The following POLE2 variants were observed in gnomAD, a reference collection of about 807,000 sequenced individuals.
POLE2 encodes DNA polymerase epsilon 2, accessory subunit.
Under a neutral mutation model 79.4 loss-of-function variants are expected in POLE2, and 56 were observed. That is an observed-to-expected ratio of 0.71 (90% confidence interval 0.57 to 0.88). The LOEUF is 0.88. Among genes scored for constraint, POLE2 ranks in the 40% least tolerant of loss-of-function variants. POLE2 has a pLI of 0.00. For synonymous variants in POLE2, 212 were observed against 214.0 expected (o/e 0.99, Z 0.08); for missense variants, 598 against 638.9 (o/e 0.94, Z 0.69).
intron 9 of POLE2, among the ~76,000 whole-genome samples, chr14:49,664,069 C>A (rs1234581776): frequency 6.7e-6 from 1 of 149,036 alleles, no homozygotes; most frequent in East Asian, 2.0e-4. Context: ...ATAATTCAGG[C>A]CGGGCATGGT....
Position 49,679,470 on chromosome 14 carries a change from G to A in POLE2, c.245+255C>T, listed in dbSNP as rs141119648. On this transcript the variant is annotated intron_variant, in intron 3 of 18. Coordinates refer to ENST00000216367, the MANE Select transcript of POLE2 (RefSeq NM_002692.4). Reference sequence around the variant, plus strand: ...TACAGAATAAAAAGTCAGATCAACCGGTTGGGTAGGCAGCAAAAGTTAGTA... The same window carrying A: ...TACAGAATAAAAAGTCAGATCAACCAGTTGGGTAGGCAGCAAAAGTTAGTA... 38 of 360,808 alleles carry A rather than the reference G, an allele frequency of 1.1e-4. No individual in the cohort carries two copies. In the East Asian group the frequency reaches 1.6e-3, roughly 15 times the overall value. 22.4% of individuals were successfully genotyped at this position (360,808 alleles called of 1,614,324 possible). A position where few individuals can be genotyped will look rare whatever the true frequency, so the allele number is the denominator to read the frequency against.
chr14:49,687,414 T>C (rs919837484), intron 1 of POLE2, among the ~76,000 whole-genome samples: 2 of 151,530 alleles, frequency 1.3e-5, no homozygotes, highest in Non-Finnish European at 2.9e-5. Context: ...CTATAGGTCC[T>C]CAAAAACACG....
intron 3 of POLE2, among the ~76,000 whole-genome samples, chr14:49,676,842 A>G (rs1054356913): frequency 1.4e-4 from 22 of 152,198 alleles, no homozygotes; most frequent in Admixed American, 9.8e-4. Context: ...CCCTTGCTGA[A>G]CTGGCATCAC....
intron 7 of POLE2, 147 bp downstream of exon 7, chr14:49,666,183 G>T: frequency 1.6e-6 from 1 of 613,966 alleles, no homozygotes; most frequent in Non-Finnish European, 2.9e-6. Flanking sequence ...CTATTTCCTC[G>T]TATTACCACT....
intron 10 of POLE2, among the ~76,000 whole-genome samples, chr14:49,662,796 G>A (rs549070197): frequency 1.3e-4 from 20 of 152,292 alleles, no homozygotes; most frequent in Non-Finnish European, 2.9e-4. Flanking sequence ...CAACCCATGG[G>A]ACACCAAGTA....
chr14:49,675,109 A>T (rs1464948233), intron 3 of POLE2, among the ~76,000 whole-genome samples: 2 of 149,972 alleles, frequency 1.3e-5, no homozygotes, highest in Non-Finnish European at 3.0e-5. Context: ...TTTGAGACAG[A>T]GTTTCACTCT....
chr14:49,662,345 T>TGGA (rs771609523), intron 10 of POLE2, among the ~76,000 whole-genome samples: 1 of 152,268 alleles, frequency 6.6e-6, no homozygotes. Context: ...GTTGCCAGGC[T>TGGA]GGAGTACAGT....
rs368926840 is a variant in POLE2, at chr14:49,674,216, A to T, written c.324T>A (p.Pro108=). 6.2e-7 allele frequency: 1 copy of T among 1,602,224 alleles called. No homozygotes were observed. Among genetic ancestry groups the T allele is most frequent in the Non-Finnish European group, 8.6e-7 (1 of 1,169,274 alleles). The change falls in exon 5 of 19, where the codon CCT becomes CCA. Residue 108 remains proline (P), a splice_region_variant and synonymous_variant. Coordinates refer to ENST00000216367, the MANE Select transcript of POLE2 (RefSeq NM_002692.4). The part of the protein sequence containing the change: ...VYNSERKKFL[P]LLMTNHPAPN... ...GTGCAGGGTGGTTGGTCATTAACAGACTAGAAAAAGAGAATGCCTATTTTT... is the reference window on the plus strand; with the variant it reads ...GTGCAGGGTGGTTGGTCATTAACAGTCTAGAAAAAGAGAATGCCTATTTTT...
Position 49,665,172 on chromosome 14 carries a change from AT to A in POLE2, c.577-10del, listed in dbSNP as rs780334533. The A allele has an allele frequency of 4.2e-6, 5 of 1,183,810 alleles. No homozygotes were observed. Among genetic ancestry groups the A allele is most frequent in the African/African-American group, 3.1e-5 (2 of 64,520 alleles). 73.3% of individuals were successfully genotyped at this position (1,183,810 alleles called of 1,614,324 possible). On this transcript the variant is annotated splice_polypyrimidine_tract_variant and intron_variant, in intron 7 of 18. Transcript: ENST00000216367. ...TCCAGAAAAAATTTTCCCTAAAAAAATGAAAATAAATAAATCCACATTTATG... is the reference window on the plus strand; with the variant it reads ...TCCAGAAAAAATTTTCCCTAAAAAAAGAAAATAAATAAATCCACATTTATG...
intron 10 of POLE2, among the ~76,000 whole-genome samples, chr14:49,658,494 A>T (rs1884873738): frequency 6.6e-6 from 1 of 152,204 alleles, no homozygotes; most frequent in Non-Finnish European, 1.5e-5. Context: ...AGCATAAATG[A>T]CCACTAAAGC....
At chr14:49,669,164 G>T (rs1036507685) in intron 6 of POLE2, among the ~76,000 whole-genome samples, 1 of 152,188 alleles carries the variant, frequency 6.6e-6, no homozygotes, top group Non-Finnish European at 1.5e-5. Flanking sequence ...ACCAGCATTT[G>T]AGTTCCTTAG....
chr14:49,670,317 CAAA>C (rs61383006), intron 5 of POLE2, among the ~76,000 whole-genome samples: 3 of 59,106 alleles, frequency 5.1e-5, no homozygotes, highest in Non-Finnish European at 1.0e-4. Context: ...ACTGTGTCTC[CAAA>C]AAAAAAAAAA....
intron 15 of POLE2, among the ~76,000 whole-genome samples, chr14:49,652,828 C>T (rs1044274303): frequency 2.6e-5 from 4 of 151,952 alleles, no homozygotes; most frequent in South Asian, 4.2e-4. Flanking sequence ...AAGTGTAATA[C>T]GCTTGAATCA....
rs1209986762 is a variant in POLE2, at chr14:49,670,454, G to A, written c.418-856C>T. ...AGGTAGAACATGAGACAAGGCCAGAGATTAATAAGATCCATGTGGAGATAC... is the reference window on the plus strand; with the variant it reads ...AGGTAGAACATGAGACAAGGCCAGAAATTAATAAGATCCATGTGGAGATAC... On this transcript the variant is annotated intron_variant, in intron 5 of 18. Coordinates refer to ENST00000216367, the MANE Select transcript of POLE2 (RefSeq NM_002692.4). Among the ~76,000 whole-genome samples the A allele has an allele frequency of 4.0e-5, 6 of 151,872 alleles. No individual in the cohort carries two copies. In the South Asian group the frequency reaches 8.3e-4, roughly 21 times the overall value.
intron 15 of POLE2, 28 bp downstream of exon 15, chr14:49,653,962 A>C: frequency 7.5e-7 from 1 of 1,332,326 alleles, no homozygotes; most frequent in Non-Finnish European, 1.1e-6. Context: ...GAAAGGAAAA[A>C]TGTATAACAC....
At position 49,679,760 on chromosome 14, in the gene POLE2, T is replaced by C; in HGVS notation, c.210A>G (p.Ala70=). The change falls in exon 3 of 19, where the codon GCA becomes GCG. Residue 70 remains alanine, a synonymous_variant. Coordinates refer to ENST00000216367, the MANE Select transcript of POLE2 (RefSeq NM_002692.4). Reference sequence around the variant, plus strand: ...CAACAGACTGACTGCATTCCTGGACTGCTGCTTCCACCACAGATCGTTCAA... The same window carrying C: ...CAACAGACTGACTGCATTCCTGGACCGCTGCTTCCACCACAGATCGTTCAA... The part of the protein sequence containing the change: ...NMIERSVVEA[A]VQECSQSVDE... 6.2e-7 allele frequency: 1 copy of C among 1,607,548 alleles called. No homozygotes were observed. Among genetic ancestry groups the C allele is most frequent in the Non-Finnish European group, 8.5e-7 (1 of 1,174,288 alleles).
At position 49,652,985 on chromosome 14, in the gene POLE2, G is replaced by C. The variant is rs533371823; in HGVS notation, c.1211+1005C>G. On this transcript the variant is annotated intron_variant, in intron 15 of 18. Coordinates refer to ENST00000216367, the MANE Select transcript of POLE2 (RefSeq NM_002692.4). ...ATTCTGGATATAATTTGAAGTTAAT[G>C]GGACTTCCTGAAAAAACATGTGAGA... 3.9e-5 allele frequency among the ~76,000 whole-genome samples: 6 copies of C among 152,166 alleles called. No homozygotes were observed. The East Asian group carries it at 1.2e-3, about 29-fold the overall frequency.
chr14:49,666,046 G>C (rs1259290085), intron 7 of POLE2, among the ~76,000 whole-genome samples: 2 of 152,194 alleles, frequency 1.3e-5, no homozygotes, highest in African/African-American at 2.4e-5. Flanking sequence ...GGCTGGTCTT[G>C]AACTCCCGGC....
chr14:49,678,446 T>C (rs1594612542), intron 3 of POLE2, among the ~76,000 whole-genome samples: 1 of 152,298 alleles, frequency 6.6e-6, no homozygotes, highest in East Asian at 1.9e-4. Flanking sequence ...TATTACGTTC[T>C]GCCTCCAAAT....
Sources: gnomAD v4.1 joint callset for allele counts (sites outside exome capture counted in the v4.1 genomes callset) on GRCh38, gnomAD v4.1.1 for gene constraint, MANE v1.5 for transcripts, NCBI Gene and HGNC (gene_info 2026-07-23, HGNC 2026-07-21) for gene names.